BRAF: variants seen among roughly 807,000 people sequenced by gnomAD.
BRAF encodes B-Raf proto-oncogene, serine/threonine kinase.
A neutral mutation model predicts 104.6 loss-of-function variants in BRAF; 16 were observed. That is an observed-to-expected ratio of 0.15 (90% CI 0.10 to 0.23). The LOEUF (loss-of-function observed/expected upper bound fraction) is 0.23, where lower values mean the gene tolerates loss of function less well. Among genes scored for constraint, BRAF ranks in the 10% least tolerant of loss-of-function variants. The probability of loss-of-function intolerance (pLI) is 1.00; values close to 1 mark genes in which losing one functional copy is unlikely to be tolerated. For missense variants in BRAF, 541 were observed against 937.3 expected, an observed-to-expected ratio of 0.58 and a Z score of 5.52; for synonymous variants, 310 against 341.6, an observed-to-expected ratio of 0.91 and a Z score of 1.02.
chr7:140,917,579 A>G (rs1443061323), intron 1 of BRAF, among the ~76,000 whole-genome samples: 1 of 152,208 alleles, frequency 6.6e-6, no homozygotes, highest in Non-Finnish European at 1.5e-5. Context: ...TGGGCAATAC[A>G]GTGAAACTCC....
intron 1 of BRAF, among the ~76,000 whole-genome samples, chr7:140,870,883 A>C (rs1811503881): frequency 6.6e-6 from 1 of 151,976 alleles, no homozygotes; most frequent in Non-Finnish European, 1.5e-5. Context: ...AAAAAAAAAA[A>C]AAAAAAGACT....
chr7:140,747,309 A>G, intron 17 of BRAF: 1 of 985,052 alleles, frequency 1.0e-6, no homozygotes, highest in Non-Finnish European at 1.3e-6. Flanking sequence ...TCAGACTAGC[A>G]AATTCCAGAA....
At chr7:140,855,783 GCTGAGGCAGGTGGATAAC>G (rs1414157942) in intron 1 of BRAF, among the ~76,000 whole-genome samples, 5 of 152,064 alleles carry the variant, frequency 3.3e-5, no homozygotes, top group African/African-American at 1.2e-4. Flanking sequence ...ACTTTGGGAG[GCTGAGGCAGGTGGATAAC>G]CTGAGGCCAG....
intron 1 of BRAF, among the ~76,000 whole-genome samples, chr7:140,909,689 A>C (rs184500255): frequency 3.9e-5 from 6 of 152,226 alleles, no homozygotes; most frequent in African/African-American, 1.4e-4. Context: ...ACATTCCTCC[A>C]ATATTGTGGT....
intron 2 of BRAF, among the ~76,000 whole-genome samples, chr7:140,837,482 T>C (rs757537293): frequency 4.6e-5 from 7 of 152,226 alleles, no homozygotes; most frequent in Non-Finnish European, 1.0e-4. Context: ...AACAATGCCA[T>C]TGGTGATATC....
intron 1 of BRAF, among the ~76,000 whole-genome samples, chr7:140,922,005 T>C (rs1818275612): frequency 6.6e-6 from 1 of 152,214 alleles, no homozygotes. Flanking sequence ...TAAAATTATT[T>C]CTTGGAGGAA....
chr7:140,914,245 C>T (rs924425664), intron 1 of BRAF, among the ~76,000 whole-genome samples: 6 of 152,100 alleles, frequency 3.9e-5, no homozygotes, highest in Non-Finnish European at 8.8e-5. Flanking sequence ...CACATATGGC[C>T]TACTAGAAGT....
Position 140,722,504 on chromosome 7 carries a change from T to C in BRAF, c.*3990A>G. ...ACCTACACCATTTCAACTCATGACC[T>C]GTAAGCTATTTGCTGTTCATACTCA... On this transcript the variant is annotated 3_prime_UTR_variant, in exon 20 of 20. Transcript: ENST00000644969. 1.9e-6 allele frequency: 2 copies of C among 1,056,370 alleles called. No individual in the cohort carries two copies. Among genetic ancestry groups the C allele is most frequent in the Non-Finnish European group, 2.3e-6 (2 of 873,664 alleles). 65.4% of individuals were successfully genotyped at this position (1,056,370 alleles called of 1,614,324 possible).
chr7:140,807,602 GCA>G (rs1803795202), intron 5 of BRAF, among the ~76,000 whole-genome samples: 1 of 152,088 alleles, frequency 6.6e-6, no homozygotes, highest in African/African-American at 2.4e-5. Flanking sequence ...ACAGGTACAA[GCA>G]CACGTTTGTG....
At chr7:140,782,777 A>G (rs1297419113) in intron 11 of BRAF, among the ~76,000 whole-genome samples, 1 of 152,042 alleles carries the variant, frequency 6.6e-6, no homozygotes, top group Non-Finnish European at 1.5e-5. Context: ...CTTTTTCCTT[A>G]CTTTAGAACA....
intron 14 of BRAF, among the ~76,000 whole-genome samples, chr7:140,772,001 A>G (rs1040843120): frequency 1.3e-5 from 2 of 152,190 alleles, no homozygotes; most frequent in Non-Finnish European, 2.9e-5. Flanking sequence ...TATGGTTGGC[A>G]TTCAAGATGA....
intron 14 of BRAF, among the ~76,000 whole-genome samples, chr7:140,762,886 T>C (rs1484467875): frequency 6.6e-6 from 1 of 152,166 alleles, no homozygotes; most frequent in Admixed American, 6.5e-5. Context: ...TAACCCTGAG[T>C]GGACACAGCA....
intron 1 of BRAF, among the ~76,000 whole-genome samples, chr7:140,912,883 T>A (rs1419785701): frequency 2.0e-5 from 3 of 152,134 alleles, no homozygotes; most frequent in Non-Finnish European, 2.9e-5. Flanking sequence ...TCTGACTACT[T>A]CTCAGTATTT....
At chr7:140,774,030 C>T (rs1054066429) in intron 14 of BRAF, among the ~76,000 whole-genome samples, 2 of 152,198 alleles carry the variant, frequency 1.3e-5, no homozygotes, top group Admixed American at 6.5e-5. Context: ...GGAGTTTCAA[C>T]CTGCCAAATC....
At chr7:140,912,334 T>C (rs1366718210) in intron 1 of BRAF, among the ~76,000 whole-genome samples, 3 of 152,192 alleles carry the variant, frequency 2.0e-5, no homozygotes, top group Non-Finnish European at 4.4e-5. Flanking sequence ...ACTCCACCAA[T>C]CACGTCGACC....
intron 14 of BRAF, among the ~76,000 whole-genome samples, chr7:140,760,070 T>C (rs1468075437): frequency 2.0e-5 from 3 of 152,346 alleles, no homozygotes; most frequent in South Asian, 2.1e-4. Context: ...CTGAGAATTT[T>C]ACTGCTGGAT....
chr7:140,908,144 G>A (rs1816544863), intron 1 of BRAF, among the ~76,000 whole-genome samples: 1 of 152,256 alleles, frequency 6.6e-6, no homozygotes, highest in South Asian at 2.1e-4. Flanking sequence ...TGCAACATTT[G>A]AAGATTTTAT....
At chr7:140,874,523 GA>G (rs1586495162) in intron 1 of BRAF, among the ~76,000 whole-genome samples, 3 of 43,920 alleles carry the variant, frequency 6.8e-5, no homozygotes, top group Non-Finnish European at 1.5e-4. Flanking sequence ...CTTTTTAAAA[GA>G]AAAAAAGTAA....
chr7:140,877,227 T>C (rs957279148), intron 1 of BRAF, among the ~76,000 whole-genome samples: 11 of 148,870 alleles, frequency 7.4e-5, no homozygotes, highest in Non-Finnish European at 1.3e-4. Flanking sequence ...GCAAATACAG[T>C]AGTGCTACAG....
Sources: allele counts gnomAD v4.1 joint callset (sites outside exome capture counted in the v4.1 genomes callset), GRCh38; gene constraint gnomAD v4.1.1; transcripts MANE v1.5; gene names NCBI Gene and HGNC (gene_info 2026-07-23, HGNC 2026-07-21).